The following CFAP54 variants were observed in gnomAD, a reference collection of about 807,000 sequenced individuals.
CFAP54 encodes cilia- and flagella-associated protein 54.
Under a neutral mutation model 370.4 loss-of-function variants are expected in CFAP54, and 290 were observed. That is an observed-to-expected ratio of 0.78 (90% CI 0.71 to 0.86). CFAP54 has a LOEUF of 0.86. CFAP54 is among the 40% of genes least tolerant of loss of function. CFAP54 has a pLI of 0.00. For missense variants in CFAP54, 3,399 were observed against 3,528.7 expected (o/e 0.96, Z 0.93); for synonymous variants, 1,206 against 1,236.5 (o/e 0.98, Z 0.52).
chr12:96,643,178 A>G (rs534207832), intron 32 of CFAP54, among the ~76,000 whole-genome samples: 4 of 152,316 alleles, frequency 2.6e-5, no homozygotes, highest in African/African-American at 4.8e-5. Flanking sequence ...ACCAAATAAC[A>G]TCACTAAAAC....
chr12:96,644,459 T>C, intron 33 of CFAP54, 51 bp downstream of exon 33: 1 of 1,262,510 alleles, frequency 7.9e-7, no homozygotes, highest in Non-Finnish European at 1.1e-6. Flanking sequence ...TGAACATGGA[T>C]TGTATTTGTA....
chr12:96,570,791 A>G (rs755544795), intron 19 of CFAP54, among the ~76,000 whole-genome samples: 8 of 152,184 alleles, frequency 5.3e-5, no homozygotes, highest in Non-Finnish European at 7.4e-5. Flanking sequence ...TATCAGAACT[A>G]TTATTATTTC....
At chr12:96,825,315 A>ATT (rs1959077758) in intron 65 of CFAP54, among the ~76,000 whole-genome samples, 2 of 127,892 alleles carry the variant, frequency 1.6e-5, no homozygotes, top group African/African-American at 3.0e-5. Flanking sequence ...TATATAATAT[A>ATT]ATATATATTA....
chr12:96,825,887 AT>A (rs1292707604), intron 65 of CFAP54, among the ~76,000 whole-genome samples: 2 of 139,028 alleles, frequency 1.4e-5, no homozygotes, highest in African/African-American at 2.6e-5. Flanking sequence ...ATCAATATAT[AT>A]TCATATATAA....
chr12:96,771,607 G>C lies in CFAP54; in HGVS notation c.8281+6389G>C, dbSNP rs560762710. On this transcript the variant is annotated intron_variant, in intron 60 of 67. Transcript: ENST00000524981. ...GCGGAGCTTGCAGTGAGCCGAGATA[G>C]CGCCACTGCACTCCGGCCTGGGCAA... 6.8e-3 allele frequency among the ~76,000 whole-genome samples: 1,037 copies of C among 152,094 alleles called. 9 individuals are homozygous for C. The highest frequency in any genetic ancestry group is 0.011 in the Non-Finnish European group (738 of 67,976).
chr12:96,768,679 T>TAAAAC (rs981206823), intron 60 of CFAP54, among the ~76,000 whole-genome samples: 1 of 150,672 alleles, frequency 6.6e-6, no homozygotes, highest in Non-Finnish European at 1.5e-5. Context: ...CAAAGCAAAA[T>TAAAAC]AAAACAAAAC....
intron 62 of CFAP54, among the ~76,000 whole-genome samples, chr12:96,791,347 A>G (rs1592763529): frequency 1.3e-5 from 2 of 152,196 alleles, no homozygotes; most frequent in African/African-American, 4.8e-5. Context: ...TTTGTTGATC[A>G]TTAGCAACCA....
chr12:96,505,859 C>T (rs1489120537), intron 3 of CFAP54, among the ~76,000 whole-genome samples: 1 of 152,064 alleles, frequency 6.6e-6, no homozygotes, highest in African/African-American at 2.4e-5. Flanking sequence ...GGTGCATGAG[C>T]CTGTAACTGT....
At chr12:96,684,559 G>A in intron 40 of CFAP54, 89 bp from the exon 41 acceptor site, 1 of 1,018,686 alleles carries the variant, frequency 9.8e-7, no homozygotes, top group Non-Finnish European at 1.5e-6. Flanking sequence ...CACAGTTAAG[G>A]AATAGTGCAG....
At chr12:96,538,240 C>T (rs1425640460) in intron 12 of CFAP54, 144 bp from the exon 13 acceptor site, 5 of 686,100 alleles carry the variant, frequency 7.3e-6, no homozygotes, top group African/African-American at 1.8e-5. Context: ...GAGGATCATA[C>T]TAGGACTCCT....
intron 36 of CFAP54, among the ~76,000 whole-genome samples, chr12:96,652,700 TTGTC>T (rs894466887): frequency 6.6e-6 from 1 of 152,184 alleles, no homozygotes; most frequent in Non-Finnish European, 1.5e-5. Context: ...AGGGTAGACA[TTGTC>T]TGACTGGATA....
At chr12:96,531,885 G>A (rs566268626) in intron 9 of CFAP54, among the ~76,000 whole-genome samples, 8 of 151,950 alleles carry the variant, frequency 5.3e-5, no homozygotes, top group African/African-American at 9.6e-5. Flanking sequence ...CCACCACGCC[G>A]GGCCAATTTT....
intron 56 of CFAP54, among the ~76,000 whole-genome samples, chr12:96,756,062 C>T (rs1003173799): frequency 7.9e-5 from 12 of 152,024 alleles, no homozygotes; most frequent in African/African-American, 2.9e-4. Flanking sequence ...CTACAATGAA[C>T]ATGGGAGGGC....
chr12:96,710,233 T>C (rs1592719724), intron 48 of CFAP54, among the ~76,000 whole-genome samples: 1 of 152,248 alleles, frequency 6.6e-6, no homozygotes, highest in East Asian at 1.9e-4. Context: ...AAAAAATAGT[T>C]ACAGTTTCCA....
intron 39 of CFAP54, among the ~76,000 whole-genome samples, chr12:96,670,288 A>G (rs1157672668): frequency 6.6e-6 from 1 of 152,186 alleles, no homozygotes; most frequent in African/African-American, 2.4e-5. Context: ...AATTACTATA[A>G]CAACCCCAAT....
chr12:96,525,540 T>C (rs1471911187), intron 8 of CFAP54, among the ~76,000 whole-genome samples: 1 of 152,186 alleles, frequency 6.6e-6, no homozygotes, highest in African/African-American at 2.4e-5. Context: ...ATTTGGGTTT[T>C]ACCATTTCAT....
At chr12:96,869,040 T>C (rs1050769747) in intron 67 of CFAP54, among the ~76,000 whole-genome samples, 23 of 152,334 alleles carry the variant, frequency 1.5e-4, no homozygotes, top group Admixed American at 5.9e-4. Flanking sequence ...ACACATTTTA[T>C]AGATCATTTC....
intron 14 of CFAP54, among the ~76,000 whole-genome samples, chr12:96,543,902 A>C (rs533481278): frequency 6.6e-6 from 1 of 152,276 alleles, no homozygotes; most frequent in African/African-American, 2.4e-5. Flanking sequence ...TCAGTTTCTC[A>C]GCTTCTCTCT....
At chr12:96,589,262 C>T (rs1548933) in intron 22 of CFAP54, among the ~76,000 whole-genome samples, 165 bp from the exon 23 acceptor site, 46,807 of 152,128 alleles carry the variant, frequency 0.31, 7,351 homozygotes, top group Non-Finnish European at 0.34. Flanking sequence ...GTTACCTGAC[C>T]ATGGCACTAT....
Sources: allele counts gnomAD v4.1 joint callset (sites outside exome capture counted in the v4.1 genomes callset), GRCh38; gene constraint gnomAD v4.1.1; transcripts MANE v1.5; gene names NCBI Gene and HGNC (gene_info 2026-07-23, HGNC 2026-07-21).